Variants in USP40 observed in about 807,000 individuals in gnomAD.
USP40 encodes the protein ubiquitin carboxyl-terminal hydrolase 40.
In USP40, 143 loss-of-function variants were observed where a neutral mutation model predicts 166.2. That is an observed-to-expected ratio of 0.86 (90% CI 0.75 to 0.99). The LOEUF (loss-of-function observed/expected upper bound fraction) is 0.99, where lower values mean the gene tolerates loss of function less well. USP40 is among the 50% of genes least tolerant of loss of function. The probability of loss-of-function intolerance (pLI) is 0.00; values close to 1 mark genes in which losing one functional copy is unlikely to be tolerated. For synonymous variants in USP40, 498 were observed against 524.0 expected, an observed-to-expected ratio of 0.95 and a Z score of 0.68; for missense variants, 1,444 against 1,479.7, an observed-to-expected ratio of 0.98 and a Z score of 0.40.
intron 21 of USP40, among the ~76,000 whole-genome samples, chr2:233,502,545 CAG>C (rs1437358027): frequency 1.3e-5 from 2 of 152,122 alleles, no homozygotes; most frequent in African/African-American, 2.4e-5. Context: ...CCTGCCTCCC[CAG>C]AGAGAGCGCT....
chr2:233,535,639 T>C lies in USP40; in HGVS notation c.1171-1860A>G, dbSNP rs141451259. Among the ~76,000 whole-genome samples the C allele has an allele frequency of 6.4e-3, 978 of 152,190 alleles. 5 individuals carry two copies. Among genetic ancestry groups the C allele is most frequent in the African/African-American group, 0.022 (925 of 41,530 alleles). Reference sequence around the variant, plus strand: ...CCACAGAATCTAAAAGACTCAAAGGTAATTTGAGGGCTTGTTAGAATGCAA... The same window carrying C: ...CCACAGAATCTAAAAGACTCAAAGGCAATTTGAGGGCTTGTTAGAATGCAA... On this transcript the variant is annotated intron_variant, in intron 10 of 31. Transcript: ENST00000678225.
intron 21 of USP40, 42 bp from the exon 22 acceptor site, chr2:233,499,957 G>A (rs1436037107): frequency 1.3e-6 from 2 of 1,585,082 alleles, no homozygotes; most frequent in African/African-American, 2.7e-5. Flanking sequence ...TTCTGTTTCT[G>A]AGTTACAGTT....
In USP40 at chr2:233,563,897, A is replaced by T. The variant is rs138331898; in HGVS notation, c.200-1094T>A. ...CTACTCTTGCCTAATGGTACGCTCC[A>T]TGACCCGCCCTACACTTCACCATCT... On this transcript the variant is annotated intron_variant, in intron 2 of 31. Transcript: ENST00000678225. 2.1e-3 allele frequency among the ~76,000 whole-genome samples: 323 copies of T among 152,060 alleles called. 1 individual carries two copies. The South Asian group carries it at 0.023, about 11-fold the overall frequency.
chr2:233,548,149 A>G (rs998035150), intron 8 of USP40, among the ~76,000 whole-genome samples: 1 of 152,146 alleles, frequency 6.6e-6, no homozygotes, highest in African/African-American at 2.4e-5. Context: ...AGAAATAGGT[A>G]ATTTTTTCAA....
intron 2 of USP40, 126 bp from the exon 3 acceptor site, chr2:233,562,929 A>C (rs1202861018): frequency 3.3e-6 from 2 of 612,400 alleles, no homozygotes; most frequent in African/African-American, 3.8e-5. Context: ...GGCAATATTT[A>C]TACCTTACTC....
At chr2:233,555,956 A>G (rs2071043471) in intron 5 of USP40, among the ~76,000 whole-genome samples, 1 of 151,864 alleles carries the variant, frequency 6.6e-6, no homozygotes, top group Non-Finnish European at 1.5e-5. Flanking sequence ...CTACTAAAAA[A>G]ATACAAAAAA....
chr2:233,533,695 C>T lies in USP40; in HGVS notation c.1255G>A (p.Glu419Lys), dbSNP rs1466539896. The T allele has an allele frequency of 1.9e-6, 3 of 1,613,578 alleles. No homozygotes were observed. The highest frequency in any genetic ancestry group is 2.5e-6 in the Non-Finnish European group (3 of 1,179,748). The change falls in exon 11 of 32, where the codon GAG becomes AAG. Residue 419 changes from glutamate to lysine, a missense_variant. Physicochemically the swap from Glu to Lys is moderately conservative, Grantham distance 56. Coordinates refer to ENST00000678225, the MANE Select transcript of USP40 (RefSeq NM_001365479.2). ...TGGTCATTCCTTTGGAAATCAGACT[C>T]AGCCTGGAGAGAACTATTCTTCAAG... ...RLLKNSSLQA[E>K]SDFQRNDQQI...
intron 21 of USP40, among the ~76,000 whole-genome samples, chr2:233,505,391 A>G (rs930710507): frequency 2.0e-5 from 3 of 152,146 alleles, no homozygotes; most frequent in African/African-American, 7.2e-5. Flanking sequence ...AAAGAGAAAC[A>G]AAATTAAAAA....
Position 233,491,267 on chromosome 2 carries a change from A to C in USP40, c.2918-6T>G, listed in dbSNP as rs751785601. On this transcript the variant is annotated splice_polypyrimidine_tract_variant and splice_region_variant and intron_variant, in intron 25 of 31. Coordinates refer to ENST00000678225, the MANE Select transcript of USP40 (RefSeq NM_001365479.2). ...AGGCTCGTTCCCAGAAGCACCTTCC[A>C]AAGGACAGAGCGGGATGTTTACAAG... The C allele has an allele frequency of 1.2e-6, 2 of 1,603,680 alleles. No individual in the cohort carries two copies. Among genetic ancestry groups the C allele is most frequent in the Non-Finnish European group, 1.7e-6 (2 of 1,172,372 alleles).
intron 28 of USP40, among the ~76,000 whole-genome samples, chr2:233,487,172 C>T (rs1440190193): frequency 5.3e-5 from 8 of 152,232 alleles, no homozygotes; most frequent in Non-Finnish European, 1.2e-4. Flanking sequence ...GACTTCATTA[C>T]AGAAGCAGTC....
intron 4 of USP40, 111 bp from the exon 5 acceptor site, chr2:233,557,130 T>G (rs577928457): frequency 2.0e-6 from 2 of 979,152 alleles, no homozygotes; most frequent in South Asian, 3.4e-5. Flanking sequence ...AATCTGAAGA[T>G]CAGATATAAG....
chr2:233,481,520 CT>C (rs1337642368), intron 30 of USP40: 3 of 550,616 alleles, frequency 5.4e-6, no homozygotes, highest in Non-Finnish European at 9.6e-6. Context: ...GCCATCTGAC[CT>C]TTCCCTTCAG....
At chr2:233,530,313 A>G (rs2068421200) in intron 11 of USP40, among the ~76,000 whole-genome samples, 1 of 152,100 alleles carries the variant, frequency 6.6e-6, no homozygotes. Flanking sequence ...TGTATTTTCC[A>G]AAGTCTTAAA....
chr2:233,485,430 A>T, intron 30 of USP40, 101 bp downstream of exon 30: 1 of 937,644 alleles, frequency 1.1e-6, no homozygotes, highest in Non-Finnish European at 1.6e-6. Context: ...TTTGTATAAA[A>T]TGGGATAATC....
intron 6 of USP40, among the ~76,000 whole-genome samples, chr2:233,553,754 G>A (rs547073145): frequency 1.1e-4 from 17 of 152,314 alleles, no homozygotes; most frequent in African/African-American, 4.1e-4. Context: ...ATAAATTTGA[G>A]AAATGTCAGA....
intron 3 of USP40, chr2:233,561,137 C>A (rs2125400799): frequency 5.1e-6 from 8 of 1,564,860 alleles, no homozygotes; most frequent in Non-Finnish European, 6.9e-6. Context: ...CTAAAACACC[C>A]CAGTAAATCA....
chr2:233,532,190 T>A (rs1300398425), intron 11 of USP40, among the ~76,000 whole-genome samples: 1 of 152,178 alleles, frequency 6.6e-6, no homozygotes, highest in African/African-American at 2.4e-5. Flanking sequence ...AGGGTCTTCG[T>A]TTGCATCTTT....
At position 233,540,748 on chromosome 2, in the gene USP40, C is replaced by T. The variant is rs554949853; in HGVS notation, c.1084G>A (p.Val362Ile). ...AAAAGTTTCTGGCCCAGCTGATCAA[C>T]AGGAATTAGATTATTCTCCTCCTTA... ...LLEEENNLIP[V>I]DQLGQKLLKK... Residue 362 changes from valine to isoleucine, a missense_variant, in exon 10 of 32, where the codon GTT (valine) becomes ATT (isoleucine). Physicochemically the swap from Val to Ile is conservative, Grantham distance 29. Coordinates refer to ENST00000678225, the MANE Select transcript of USP40 (RefSeq NM_001365479.2). The T allele has an allele frequency of 1.2e-6, 2 of 1,613,300 alleles. No homozygotes were observed. Among genetic ancestry groups the T allele is most frequent in the African/African-American group, 1.3e-5 (1 of 75,012 alleles).
chr2:233,476,166 T>G lies in USP40; in HGVS notation c.*1226A>C, dbSNP rs944111789. 2 of 152,408 alleles carry G rather than the reference T, an allele frequency of 1.3e-5. No individual in the cohort carries two copies. The highest frequency in any genetic ancestry group is 4.8e-5 in the African/African-American group (2 of 41,450). 9.4% of individuals were successfully genotyped at this position (152,408 alleles called of 1,614,324 possible). A position where few individuals can be genotyped will look rare whatever the true frequency, so the allele number is the denominator to read the frequency against. ...AGGCCGCTGGCTCAGCATCAGCTTGTTGGAAAAGGGTCACAGGCAGGGGAG... is the reference window on the plus strand; with the variant it reads ...AGGCCGCTGGCTCAGCATCAGCTTGGTGGAAAAGGGTCACAGGCAGGGGAG... On this transcript the variant is annotated 3_prime_UTR_variant, in exon 32 of 32. Transcript: ENST00000678225.
Sources: allele counts gnomAD v4.1 joint callset (sites outside exome capture counted in the v4.1 genomes callset), GRCh38; gene constraint gnomAD v4.1.1; transcripts MANE v1.5; gene names NCBI Gene and HGNC (gene_info 2026-07-23, HGNC 2026-07-21).